Variants in EIPR1 observed in about 807,000 individuals in gnomAD.
EIPR1 encodes the protein EARP and GARP complex-interacting protein 1.
EIPR1 carries 25 observed loss-of-function variants against 48.1 expected under a neutral mutation model. The ratio of observed to expected loss-of-function variants is 0.52; its 90% confidence interval spans 0.38 to 0.73. EIPR1 has a LOEUF of 0.73. Ranked by LOEUF, EIPR1 falls within the 30% of genes least tolerant of loss-of-function variation. The pLI is 0.00. For synonymous variants in EIPR1, 204 were observed against 201.9 expected (o/e 1.01, Z -0.09); for missense variants, 415 against 506.2 (o/e 0.82, Z 1.73).
chr2:3,308,894 T>C (rs1403215969), intron 3 of EIPR1, among the ~76,000 whole-genome samples: 1 of 152,202 alleles, frequency 6.6e-6, no homozygotes, highest in African/African-American at 2.4e-5. Context: ...TCACTGCAAG[T>C]ATCCTTAGGA....
chr2:3,335,215 G>A (rs1314997398), intron 3 of EIPR1, among the ~76,000 whole-genome samples: 1 of 152,208 alleles, frequency 6.6e-6, no homozygotes, highest in Admixed American at 6.5e-5. Context: ...GAAGAGGCAT[G>A]CGCTGTTGGA....
chr2:3,217,700 G>A (rs184916161), intron 4 of EIPR1, among the ~76,000 whole-genome samples: 75 of 152,188 alleles, frequency 4.9e-4, no homozygotes, highest in African/African-American at 1.7e-3. Flanking sequence ...CCAGTACCAC[G>A]GGTCAAATCT....
intron 4 of EIPR1, among the ~76,000 whole-genome samples, chr2:3,220,952 G>A (rs1415084613): frequency 2.1e-5 from 3 of 145,314 alleles, no homozygotes; most frequent in African/African-American, 2.6e-5. Flanking sequence ...ATAGTCAGGT[G>A]CACATGCACA....
At chr2:3,246,661 G>A (rs1054106828) in intron 4 of EIPR1, among the ~76,000 whole-genome samples, 6 of 152,078 alleles carry the variant, frequency 3.9e-5, no homozygotes, top group Middle Eastern at 3.4e-3. Flanking sequence ...AACACACAGC[G>A]TGTGGAGTGC....
chr2:3,295,149 C>CAT (rs1668512705), intron 3 of EIPR1, among the ~76,000 whole-genome samples: 1 of 144,146 alleles, frequency 6.9e-6, no homozygotes, highest in African/African-American at 2.6e-5. Flanking sequence ...CTCCATCCGG[C>CAT]ATGTCCTTTC....
chr2:3,283,347 G>A (rs1668073765), intron 3 of EIPR1, among the ~76,000 whole-genome samples: 1 of 152,156 alleles, frequency 6.6e-6, no homozygotes, highest in South Asian at 2.1e-4. Context: ...AAACATGGAG[G>A]CACCCGAGGG....
chr2:3,268,492 G>C (rs562109697), intron 3 of EIPR1, among the ~76,000 whole-genome samples: 2 of 152,314 alleles, frequency 1.3e-5, no homozygotes, highest in African/African-American at 4.8e-5. Flanking sequence ...GGCTGTTCTT[G>C]CTCAGTCCTG....
chr2:3,304,862 C>CCCAGTTCAGCCCTCCACTGA (rs1668876043), intron 3 of EIPR1, among the ~76,000 whole-genome samples: 1 of 149,284 alleles, frequency 6.7e-6, no homozygotes, highest in South Asian at 2.1e-4. Context: ...CCCTCCACTG[C>CCCAGTTCAGCCCTCCACTGA]CATCCAGTTC....
At chr2:3,259,850 T>C (rs183029313) in intron 3 of EIPR1, among the ~76,000 whole-genome samples, 2 of 152,262 alleles carry the variant, frequency 1.3e-5, no homozygotes, top group East Asian at 1.9e-4. Context: ...CAATAAATGA[T>C]GCTGGATCAA....
chr2:3,299,580 T>G (rs1318206697), intron 3 of EIPR1, among the ~76,000 whole-genome samples: 1 of 151,908 alleles, frequency 6.6e-6, no homozygotes, highest in South Asian at 2.1e-4. Flanking sequence ...TTGTATGTTT[T>G]AAATTTCAGA....
In EIPR1 at chr2:3,377,715, G is replaced by A; in HGVS notation, c.-26C>T. On this transcript the variant is annotated 5_prime_UTR_variant, in exon 1 of 9. Coordinates refer to ENST00000382125, the MANE Select transcript of EIPR1 (RefSeq NM_003310.5). ...GCTGCGGGGAAGCGACCCGACCCCG[G>A]CCACTCACACGCTAAGGACCTCGCT... The A allele has an allele frequency of 3.2e-6, 5 of 1,569,390 alleles. No individual in the cohort carries two copies. Among genetic ancestry groups the A allele is most frequent in the East Asian group, 2.4e-5 (1 of 42,022 alleles).
intron 5 of EIPR1, among the ~76,000 whole-genome samples, chr2:3,200,537 A>G (rs7590363): frequency 1 from 152,134 of 152,184 alleles, 76,042 homozygotes; most frequent in Non-Finnish European, 1. Flanking sequence ...GCAGGCATGC[A>G]TCCCACACAC....
chr2:3,366,227 G>A (rs1368459978), intron 1 of EIPR1, among the ~76,000 whole-genome samples: 1 of 152,208 alleles, frequency 6.6e-6, no homozygotes, highest in Admixed American at 6.5e-5. Flanking sequence ...AGAATCGCTT[G>A]AACCCAGGAG....
At chr2:3,361,990 C>T (rs189454708) in intron 1 of EIPR1, among the ~76,000 whole-genome samples, 1 of 152,276 alleles carries the variant, frequency 6.6e-6, no homozygotes, top group Non-Finnish European at 1.5e-5. Context: ...ACACCTTCCT[C>T]TTTGGCATGC....
chr2:3,259,747 T>C (rs963325780), intron 3 of EIPR1, among the ~76,000 whole-genome samples: 4 of 152,198 alleles, frequency 2.6e-5, no homozygotes, highest in African/African-American at 4.8e-5. Flanking sequence ...AGCAATGAAG[T>C]TTTGGAAGCT....
intron 3 of EIPR1, among the ~76,000 whole-genome samples, chr2:3,330,101 C>T (rs1203244253): frequency 1.3e-5 from 2 of 152,224 alleles, no homozygotes; most frequent in Non-Finnish European, 2.9e-5. Flanking sequence ...AGGTTCCCCT[C>T]GGCGAATTCC....
chr2:3,203,363 G>A (rs1383624550), intron 5 of EIPR1, among the ~76,000 whole-genome samples: 1 of 152,246 alleles, frequency 6.6e-6, no homozygotes, highest in Non-Finnish European at 1.5e-5. Flanking sequence ...GTGAAACACA[G>A]GAGTGAGCCA....
At chr2:3,334,029 G>A (rs1302598320) in intron 3 of EIPR1, among the ~76,000 whole-genome samples, 3 of 150,876 alleles carry the variant, frequency 2.0e-5, no homozygotes, top group Non-Finnish European at 4.4e-5. Flanking sequence ...ACAAACTAAT[G>A]GAAACAAAAA....
At chr2:3,277,913 C>T (rs1241474535) in intron 3 of EIPR1, among the ~76,000 whole-genome samples, 1 of 152,186 alleles carries the variant, frequency 6.6e-6, no homozygotes, top group Non-Finnish European at 1.5e-5. Flanking sequence ...GGCACTTCCT[C>T]GGCCCGTCCC....
Sources: allele counts gnomAD v4.1 joint callset (sites outside exome capture counted in the v4.1 genomes callset), GRCh38; gene constraint gnomAD v4.1.1; transcripts MANE v1.5; gene names NCBI Gene and HGNC (gene_info 2026-07-23, HGNC 2026-07-21).